Variants in PARP4 observed in about 807,000 individuals in gnomAD.
The protein encoded by PARP4 is protein mono-ADP-ribosyltransferase PARP4.
A neutral mutation model predicts 187.7 loss-of-function variants in PARP4; 120 were observed. The ratio of observed to expected loss-of-function variants is 0.64; its 90% CI spans 0.55 to 0.74. The LOEUF is 0.74. PARP4 is among the 30% of genes least tolerant of loss of function. PARP4 has a pLI of 0.00. For missense variants in PARP4, 1,836 were observed against 2,070.5 expected (o/e 0.89, Z 2.20); for synonymous variants, 654 against 740.9 (o/e 0.88, Z 1.90).
chr13:24,500,039 T>G (rs888391081), intron 4 of PARP4, among the ~76,000 whole-genome samples: 5 of 42,714 alleles, frequency 1.2e-4, no homozygotes, highest in African/African-American at 3.0e-4. Context: ...TGAAAATAGG[T>G]TTTTTTTTAA....
In PARP4 at chr13:24,459,532, T is replaced by TACACAC. The variant is rs762453075; in HGVS notation, c.2299-228_2299-223dup. On this transcript the variant is annotated intron_variant, in intron 18 of 33. Coordinates refer to ENST00000381989, the MANE Select transcript of PARP4 (RefSeq NM_006437.4). Reference sequence around the variant, plus strand: ...TAAACTCTACATATGTCTGTGTGTATACACACACACACACGCACACACACA... The same window carrying TACACAC: ...TAAACTCTACATATGTCTGTGTGTATACACACACACACACACACACGCACACACACA... 7.2e-3 allele frequency: 2,286 copies of TACACAC among 316,212 alleles called. 52 individuals are homozygous for TACACAC. The highest frequency in any genetic ancestry group is 7.9e-3 in the Admixed American group (138 of 17,466). The allele number at this position is 316,212 out of a possible 1,614,324, so 19.6% of individuals were successfully genotyped here. A position where few individuals can be genotyped will look rare whatever the true frequency, so the allele number is the denominator to read the frequency against.
At position 24,439,303 on chromosome 13, in the gene PARP4, G is replaced by A. The variant is rs543173204; in HGVS notation, c.3666+2543C>T. On this transcript the variant is annotated intron_variant, in intron 30 of 33. Transcript: ENST00000381989. ...GATGGTGCCACTGCACTCCAGCCTG[G>A]GCAACAGAGTAAGACCCTGTCTCAA... 2.8e-5 allele frequency among the ~76,000 whole-genome samples: 4 copies of A among 145,452 alleles called. No individual in the cohort carries two copies. In the East Asian group the frequency reaches 6.1e-4, roughly 22 times the overall value.
intron 25 of PARP4, among the ~76,000 whole-genome samples, chr13:24,449,030 T>C (rs1364950335): frequency 6.6e-6 from 1 of 152,202 alleles, no homozygotes; most frequent in African/African-American, 2.4e-5. Flanking sequence ...ATGAAACAGT[T>C]TGAAGATGGT....
intron 33 of PARP4, among the ~76,000 whole-genome samples, chr13:24,425,222 G>A (rs533883925): frequency 6.6e-6 from 1 of 152,216 alleles, no homozygotes; most frequent in South Asian, 2.1e-4. Flanking sequence ...GATGGCTTGA[G>A]CCCAGGAGGC....
At chr13:24,430,431 T>C (rs7332064) in intron 32 of PARP4, among the ~76,000 whole-genome samples, 26,592 of 152,008 alleles carry the variant, frequency 0.17, 2,821 homozygotes, top group East Asian at 0.37. Flanking sequence ...GGTGGGCAGA[T>C]TGCTTGAGCT....
rs150898039 is a variant in PARP4, at chr13:24,455,198, G to A, written c.2577C>T (p.Val859=). Residue 859 remains valine, a synonymous_variant, in exon 22 of 34, where the codon GTC becomes GTT. Transcript: ENST00000381989. ...GGTCGACATCGAGATCGGGTTGAAA[G>A]ACAAGCATGCAAGCCTGAAAGGAGA... ...PEKESEACML[V]FQPDLDVDLP... 1,118 of 1,592,606 alleles carry A rather than the reference G, an allele frequency of 7.0e-4. No homozygotes were observed. The highest frequency in any genetic ancestry group is 9.3e-4 in the South Asian group (84 of 89,924).
intron 1 of PARP4, among the ~76,000 whole-genome samples, chr13:24,506,102 C>G (rs570739371): frequency 6.9e-4 from 105 of 152,288 alleles, no homozygotes; most frequent in African/African-American, 2.4e-3. Flanking sequence ...CCTGGACCCT[C>G]GTGGTGAGTG....
At chr13:24,488,514 C>T (rs548805668) in intron 10 of PARP4, among the ~76,000 whole-genome samples, 73 of 152,090 alleles carry the variant, frequency 4.8e-4, no homozygotes, top group African/African-American at 1.6e-3. Context: ...CCACCATGCC[C>T]GGCTAATTTT....
chr13:24,486,154 A>T lies in PARP4; in HGVS notation c.1352+14T>A, dbSNP rs776730364. 5 of 1,583,118 alleles carry T rather than the reference A, an allele frequency of 3.2e-6. No individual in the cohort carries two copies. Among genetic ancestry groups the T allele is most frequent in the African/African-American group, 2.7e-5 (2 of 73,298 alleles). ...AGCCTGAAATTTTTGAAAAATAAAG[A>T]TGGCTACTCTTACCGACACAAGATT... is the stretch of plus-strand genomic sequence containing the variant. On this transcript the variant is annotated intron_variant, in intron 11 of 33. Transcript: ENST00000381989.
chr13:24,477,467 G>C (rs897764691), intron 14 of PARP4, among the ~76,000 whole-genome samples: 4 of 145,056 alleles, frequency 2.8e-5, no homozygotes, highest in Non-Finnish European at 6.1e-5. Context: ...CAAAAAAAAA[G>C]AAATATATAT....
At position 24,459,263 on chromosome 13, in the gene PARP4, C is replaced by T. The variant is rs990165772; in HGVS notation, c.2345+1G>A. The T allele has an allele frequency of 1.9e-6, 3 of 1,587,554 alleles. No homozygotes were observed. The highest frequency in any genetic ancestry group is 2.7e-5 in the African/African-American group (2 of 73,840). On this transcript the variant is annotated splice_donor_variant, in intron 19 of 33. Coordinates refer to ENST00000381989, the MANE Select transcript of PARP4 (RefSeq NM_006437.4). LOFTEE classifies it high-confidence loss of function. Reference sequence around the variant, plus strand: ...ACAGGTTTTATATTTTAGGTACTAACCTTTGCTTTGTTCCTATTTCTTTTA... The same window carrying T: ...ACAGGTTTTATATTTTAGGTACTAATCTTTGCTTTGTTCCTATTTCTTTTA...
chr13:24,487,374 G>A (rs1873621594), intron 10 of PARP4, among the ~76,000 whole-genome samples: 1 of 152,164 alleles, frequency 6.6e-6, no homozygotes, highest in East Asian at 1.9e-4. Flanking sequence ...ATTGGAATGT[G>A]GCACCATAAA....
intron 6 of PARP4, among the ~76,000 whole-genome samples, chr13:24,497,085 C>CT (rs146987461): frequency 0.098 from 14,916 of 152,146 alleles, 805 homozygotes; most frequent in Non-Finnish European, 0.12. Context: ...AGAAGGCATC[C>CT]TGGTGGGTGT....
In PARP4 at chr13:24,483,919, G is replaced by C. The variant is rs143240625; in HGVS notation, c.1448+734C>G. Among the ~76,000 whole-genome samples the C allele has an allele frequency of 1.1e-4, 17 of 152,262 alleles. No homozygotes were observed. In the East Asian group the frequency reaches 1.5e-3, roughly 14 times the overall value. On this transcript the variant is annotated intron_variant, in intron 12 of 33. Coordinates refer to ENST00000381989, the MANE Select transcript of PARP4 (RefSeq NM_006437.4). Reference sequence around the variant, plus strand: ...TGGGATTACAGGCATGAGCTACTGCGCCTGGCCCCAGCTCGTCTTCTTTGC... The same window carrying C: ...TGGGATTACAGGCATGAGCTACTGCCCCTGGCCCCAGCTCGTCTTCTTTGC...
At chr13:24,443,752 A>G in intron 27 of PARP4, 22 bp from the exon 28 acceptor site, 1 of 1,549,438 alleles carries the variant, frequency 6.5e-7, no homozygotes, top group South Asian at 1.1e-5. Flanking sequence ...CAGCAAAGGA[A>G]AAAAAATATT....
chr13:24,439,052 G>A (rs1870783459), intron 30 of PARP4, among the ~76,000 whole-genome samples: 1 of 152,136 alleles, frequency 6.6e-6, no homozygotes, highest in Non-Finnish European at 1.5e-5. Flanking sequence ...TGATATGTTT[G>A]GATCTGGAAG....
intron 30 of PARP4, among the ~76,000 whole-genome samples, chr13:24,436,918 A>G (rs1870667187): frequency 6.6e-6 from 1 of 152,374 alleles, no homozygotes; most frequent in African/African-American, 2.4e-5. Flanking sequence ...ATGAAAAGAC[A>G]TATTTTAAAA....
chr13:24,494,477 G>A, intron 7 of PARP4, 96 bp downstream of exon 7: 1 of 1,120,122 alleles, frequency 8.9e-7, no homozygotes, highest in Non-Finnish European at 1.3e-6. Context: ...ACAGGCATGA[G>A]CCACGAAGCC....
chr13:24,450,656 C>G (rs1022320120), intron 24 of PARP4, among the ~76,000 whole-genome samples: 6 of 152,174 alleles, frequency 3.9e-5, no homozygotes, highest in Admixed American at 1.3e-4. Context: ...GGCTGATGGT[C>G]TCTACCCCTG....
Sources: gnomAD v4.1 joint callset for allele counts (sites outside exome capture counted in the v4.1 genomes callset) on GRCh38, gnomAD v4.1.1 for gene constraint, MANE v1.5 for transcripts, NCBI Gene and HGNC (gene_info 2026-07-23, HGNC 2026-07-21) for gene names.